Variants in LONRF3 observed in about 807,000 individuals in gnomAD.
LONRF3 encodes LON peptidase N-terminal domain and ring finger 3.
In LONRF3, 19 loss-of-function variants were observed where a neutral mutation model predicts 51.7. The observed-to-expected ratio is 0.37, with a 90% CI of 0.26 to 0.54. The LOEUF (loss-of-function observed/expected upper bound fraction) is 0.54, where lower values mean the gene tolerates loss of function less well. Among genes scored for constraint, LONRF3 ranks in the 20% least tolerant of loss-of-function variants. The pLI, the probability that LONRF3 is intolerant of heterozygous loss-of-function variation, is 0.86. For synonymous variants in LONRF3, 265 were observed against 257.8 expected, an observed-to-expected ratio of 1.03 and a Z score of -0.27; for missense variants, 521 against 623.9, an observed-to-expected ratio of 0.84 and a Z score of 1.76.
intron 10 of LONRF3, among the ~76,000 whole-genome samples, chrX:119,014,754 T>A (rs1414378360): frequency 9.0e-6 from 1 of 111,495 alleles, no homozygotes; most frequent in Non-Finnish European, 1.9e-5. Context: ...CAAAAGCTGC[T>A]GCTTTCAGGT....
intron 5 of LONRF3, among the ~76,000 whole-genome samples, chrX:118,997,020 G>T (rs1923926368): frequency 9.0e-6 from 1 of 110,725 alleles, no homozygotes; most frequent in South Asian, 3.9e-4. Flanking sequence ...CATGCTCATG[G>T]ATGGGTAGAA....
intron 9 of LONRF3, 112 bp from the exon 10 acceptor site, chrX:119,014,095 G>T: frequency 1.2e-6 from 1 of 805,902 alleles, no homozygotes; most frequent in East Asian, 3.2e-5. Context: ...GAATGGGTGA[G>T]CCTTCCCATA....
chrX:118,975,835 T>C (rs1921995165), intron 1 of LONRF3, among the ~76,000 whole-genome samples: 2 of 67,571 alleles, frequency 3.0e-5, no homozygotes, highest in African/African-American at 1.2e-4. Context: ...CTTTTTGTCT[T>C]TTCCTGCTAC....
chrX:119,009,430 A>G (rs1307432757), intron 7 of LONRF3, among the ~76,000 whole-genome samples, 183 bp downstream of exon 7: 1 of 111,907 alleles, frequency 8.9e-6, no homozygotes, highest in African/African-American at 3.2e-5. Context: ...CGCTGCACCC[A>G]GAGAGCCAGT....
intron 9 of LONRF3, 43 bp downstream of exon 9, chrX:119,013,244 T>C: frequency 8.7e-7 from 1 of 1,144,394 alleles, no homozygotes. Context: ...CAGGCTATCC[T>C]TGTAACTTGA....
chrX:119,010,085 T>A (rs1012865528), intron 7 of LONRF3, among the ~76,000 whole-genome samples: 1 of 111,816 alleles, frequency 8.9e-6, no homozygotes, highest in African/African-American at 3.3e-5. Context: ...CATGGACTTC[T>A]TATGAAAATC....
In LONRF3 at chrX:119,014,308, G is replaced by A. The variant is rs764946492; in HGVS notation, c.2076G>A (p.Arg692=). Residue 692 remains arginine (R), a synonymous_variant, in exon 10 of 11, where the codon CGG becomes CGA. Transcript: ENST00000371628. ...FHSLKLSLKN[R]ILNHFGPMPE... is the part of the protein sequence containing the mutation. Reference sequence around the variant, plus strand: ...CGCTCAAATTATCCCTAAAGAATCGGATACTCAATCACTTTGGTCCCATGC... The same window carrying A: ...CGCTCAAATTATCCCTAAAGAATCGAATACTCAATCACTTTGGTCCCATGC... The A allele has an allele frequency of 6.6e-6, 8 of 1,210,985 alleles. No homozygotes were observed. Among genetic ancestry groups the A allele is most frequent in the East Asian group, 3.0e-5 (1 of 33,845 alleles).
intron 6 of LONRF3, among the ~76,000 whole-genome samples, chrX:119,006,568 T>TTTTTGTTTTGTTTTG (rs10587850): frequency 1.8e-4 from 16 of 90,081 alleles, no homozygotes; most frequent in Non-Finnish European, 2.0e-4. Context: ...GCTCGGCTAA[T>TTTTTGTTTTGTTTTG]TTTTGTTTTG....
At chrX:118,991,352 G>A (rs1276819100) in intron 5 of LONRF3, among the ~76,000 whole-genome samples, 1 of 108,330 alleles carries the variant, frequency 9.2e-6, no homozygotes, top group South Asian at 4.1e-4. Context: ...CAGTTACATG[G>A]GCAAGAGCTC....
intron 2 of LONRF3, among the ~76,000 whole-genome samples, chrX:118,979,969 C>G (rs1396941385): frequency 8.9e-6 from 1 of 112,475 alleles, no homozygotes; most frequent in Non-Finnish European, 1.9e-5. Flanking sequence ...TGCTCTACTA[C>G]TTGCAAACCA....
rs144808950 is a variant in LONRF3 at position 119,011,878 on chromosome X, G to A, written c.1716G>A (p.Leu572=). Residue 572 remains leucine (L), a synonymous_variant, in exon 8 of 11, where the codon CTG becomes CTA. Coordinates refer to ENST00000371628, the MANE Select transcript of LONRF3 (RefSeq NM_001031855.3). ...CCTATCCCACCGTTCCTTGTCCCCT[G>A]CACATCTTTGAGCCTTGTTACCGCC... ...TMAYPTVPCP[L]HIFEPCYRLM... 2.1e-5 allele frequency: 25 copies of A among 1,209,872 alleles called. No individual in the cohort carries two copies. Among genetic ancestry groups the A allele is most frequent in the Non-Finnish European group, 2.5e-5 (22 of 895,058 alleles).
intron 1 of LONRF3, among the ~76,000 whole-genome samples, chrX:118,977,677 A>C (rs1038010372): frequency 6.2e-5 from 7 of 112,068 alleles, no homozygotes; most frequent in African/African-American, 2.3e-4. Flanking sequence ...TGATTGAGCC[A>C]GATAATCTCT....
At chrX:119,014,088 T>G in intron 9 of LONRF3, 119 bp from the exon 10 acceptor site, 1 of 721,613 alleles carries the variant, frequency 1.4e-6, no homozygotes, top group South Asian at 2.8e-5. Flanking sequence ...GAAAGCTGAA[T>G]GGGTGAGCCT....
chrX:119,000,798 TCTC>T (rs1924236221), intron 5 of LONRF3, among the ~76,000 whole-genome samples: 1 of 24,920 alleles, frequency 4.0e-5, no homozygotes, highest in Non-Finnish European at 6.8e-5. Context: ...TCTCTCTCTC[TCTC>T]TCTCTCTCTC....
chrX:118,984,895 G>A (rs1221452821), intron 3 of LONRF3, among the ~76,000 whole-genome samples: 1 of 112,004 alleles, frequency 8.9e-6, no homozygotes, highest in Non-Finnish European at 1.9e-5. Context: ...TGCAGGTTCA[G>A]TTGACATTTA....
At chrX:119,016,462 C>G (rs1569300148) in intron 10 of LONRF3, among the ~76,000 whole-genome samples, 1 of 108,080 alleles carries the variant, frequency 9.3e-6, no homozygotes, top group Non-Finnish European at 1.9e-5. Flanking sequence ...ACTCTCCTGC[C>G]TCAGCCTCCG....
intron 5 of LONRF3, among the ~76,000 whole-genome samples, chrX:119,001,926 T>C (rs1402536444): frequency 1.8e-5 from 2 of 112,646 alleles, no homozygotes; most frequent in African/African-American, 6.5e-5. Flanking sequence ...ATATTAGTTG[T>C]AGATACAGAT....
At chrX:118,994,228 T>G (rs150516801) in intron 5 of LONRF3, among the ~76,000 whole-genome samples, 4,204 of 111,485 alleles carry the variant, frequency 0.038, 184 homozygotes, top group African/African-American at 0.13. Context: ...AATGCCCCAC[T>G]TAAAAGATAC....
chrX:119,011,775 C>T (rs770855563), intron 7 of LONRF3, 40 bp from the exon 8 acceptor site: 12 of 1,188,770 alleles, frequency 1.0e-5, no homozygotes, highest in South Asian at 3.7e-5. Flanking sequence ...GTGTTCTGTC[C>T]GATTGCTTTG....
Sources: allele counts gnomAD v4.1 joint callset (sites outside exome capture counted in the v4.1 genomes callset), GRCh38; gene constraint gnomAD v4.1.1; transcripts MANE v1.5; gene names NCBI Gene and HGNC (gene_info 2026-07-23, HGNC 2026-07-21).